RPL13A: variants seen among roughly 807,000 people sequenced by gnomAD.
The protein encoded by RPL13A is large ribosomal subunit protein uL13.
A neutral mutation model predicts 30.8 loss-of-function variants in RPL13A; 4 were observed. The observed-to-expected ratio is 0.13, with a 90% CI of 0.06 to 0.30. RPL13A has a LOEUF of 0.30. Ranked by LOEUF, RPL13A falls within the 10% of genes least tolerant of loss-of-function variation. The pLI, the probability that RPL13A is intolerant of heterozygous loss-of-function variation, is 1.00. For missense variants in RPL13A, 196 were observed against 272.6 expected, an observed-to-expected ratio of 0.72 and a Z score of 1.98; for synonymous variants, 108 against 104.2, an observed-to-expected ratio of 1.04 and a Z score of -0.22.
intron 1 of RPL13A, among the ~76,000 whole-genome samples, chr19:49,488,736 C>T (rs781679510): frequency 7.9e-5 from 12 of 152,212 alleles, no homozygotes; most frequent in Non-Finnish European, 1.6e-4. Flanking sequence ...GACGGAGTCT[C>T]GCTGTGACAC....
chr19:49,490,964 C>CT, intron 5 of RPL13A, 76 bp from the exon 6 acceptor site: 2 of 1,605,424 alleles, frequency 1.2e-6, no homozygotes, highest in Non-Finnish European at 1.7e-6. Context: ...GCAGCACTGG[C>CT]TGAGACGCCA....
intron 4 of RPL13A, 100 bp from the exon 5 acceptor site, chr19:49,490,679 T>C (rs1408245906): frequency 2.6e-6 from 4 of 1,566,010 alleles, no homozygotes; most frequent in Non-Finnish European, 3.5e-6. Flanking sequence ...TGACTCCACA[T>C]GCACTACCAT....
rs1458952049 is a variant in RPL13A, at chr19:49,492,280, T to C, written c.*465T>C. ...GCCCATGCTCCTCACCTGTATTTTG[T>C]AATCAGAAATAAATTGCTTTTAAAG... On this transcript the variant is annotated 3_prime_UTR_variant, in exon 8 of 8. Coordinates refer to ENST00000391857, the MANE Select transcript of RPL13A (RefSeq NM_012423.4). 1 of 156,068 alleles carries C rather than the reference T, an allele frequency of 6.4e-6. No homozygotes were observed. Among genetic ancestry groups the C allele is most frequent in the Non-Finnish European group, 1.4e-5 (1 of 70,410 alleles). The allele number at this position is 156,068 out of a possible 1,614,324, so 9.7% of individuals were successfully genotyped here.
rs1045430386 is a variant in RPL13A at position 49,491,417 on chromosome 19, C to T, written c.403-8C>T. ...TCATTTGTTCACCCCCCCCCCCCCC[C>T]CCCGCAGTTTGCCTATCTGGGGCGC... On this transcript the variant is annotated splice_region_variant and splice_polypyrimidine_tract_variant and intron_variant, in intron 6 of 7. Coordinates refer to ENST00000391857, the MANE Select transcript of RPL13A (RefSeq NM_012423.4). The T allele has an allele frequency of 1.9e-5, 21 of 1,129,786 alleles. No individual in the cohort carries two copies. The highest frequency in any genetic ancestry group is 2.8e-4 in the Middle Eastern group (1 of 3,584). 70.0% of individuals were successfully genotyped at this position (1,129,786 alleles called of 1,614,324 possible).
chr19:49,490,928 A>G, intron 5 of RPL13A, 64 bp downstream of exon 5: 2 of 1,604,234 alleles, frequency 1.2e-6, no homozygotes, highest in Non-Finnish European at 1.7e-6. Flanking sequence ...TTCCGCAACT[A>G]CCTACATTGT....
At chr19:49,489,431 GTCACAGGA>G (rs892274566) in intron 1 of RPL13A, among the ~76,000 whole-genome samples, 17 of 152,156 alleles carry the variant, frequency 1.1e-4, no homozygotes, top group African/African-American at 3.9e-4. Context: ...ATCCTGGGAG[GTCACAGGA>G]TCACAGGACA....
intron 6 of RPL13A, 76 bp from the exon 7 acceptor site, chr19:49,491,349 C>A: frequency 7.2e-7 from 1 of 1,388,228 alleles, no homozygotes; most frequent in Non-Finnish European, 1.0e-6. Context: ...CTCTCAACAG[C>A]TCCGGCTCTT....
At position 49,492,024 on chromosome 19, in the gene RPL13A, G is replaced by A; in HGVS notation, c.*209G>A. The A allele has an allele frequency of 1.8e-6, 1 of 543,650 alleles. No homozygotes were observed. The highest frequency in any genetic ancestry group is 3.2e-5 in the East Asian group (1 of 31,626). The allele number at this position is 543,650 out of a possible 1,614,324, so 33.7% of individuals were successfully genotyped here. A position where few individuals can be genotyped will look rare whatever the true frequency, so the allele number is the denominator to read the frequency against. On this transcript the variant is annotated 3_prime_UTR_variant, in exon 8 of 8. Coordinates refer to ENST00000391857, the MANE Select transcript of RPL13A (RefSeq NM_012423.4). Reference sequence around the variant, plus strand: ...AATTGTGCAGGTGTCATTTATCTATGACCAATAGGAAGAGCAACCAGTTAC... The same window carrying A: ...AATTGTGCAGGTGTCATTTATCTATAACCAATAGGAAGAGCAACCAGTTAC...
chr19:49,487,636 G>C lies in RPL13A; in HGVS notation c.7G>C (p.Glu3Gln), dbSNP rs1214437831. Residue 3 changes from glutamate to glutamine, a missense_variant, in exon 1 of 8, where the codon GAG becomes CAG. Coordinates refer to ENST00000391857, the MANE Select transcript of RPL13A (RefSeq NM_012423.4). ...TTCCAAGCGGCTGCCGAAGATGGCG[G>C]AGGTGCAGGTATGGGCTCCGCGCGG... MA[E>Q]VQVLVLDGRG... is the part of the protein sequence containing the mutation. 2 of 1,573,468 alleles carry C rather than the reference G, an allele frequency of 1.3e-6. No individual in the cohort carries two copies. The highest frequency in any genetic ancestry group is 1.7e-6 in the Non-Finnish European group (2 of 1,160,456).
chr19:49,490,314 G>A lies in RPL13A; in HGVS notation c.154+17G>A. ...GAAACAAGTGTAAGTTAGGACCTGGGAGGAGCACTGGAGAGGGTCTCCCTG... is the reference window on the plus strand; with the variant it reads ...GAAACAAGTGTAAGTTAGGACCTGGAAGGAGCACTGGAGAGGGTCTCCCTG... On this transcript the variant is annotated intron_variant, in intron 3 of 7. Transcript: ENST00000391857. 6.2e-7 allele frequency: 1 copy of A among 1,613,346 alleles called. No homozygotes were observed. The highest frequency in any genetic ancestry group is 8.5e-7 in the Non-Finnish European group (1 of 1,179,290).
chr19:49,490,452 C>G (rs764811474), intron 3 of RPL13A, 23 bp from the exon 4 acceptor site: 10 of 1,611,586 alleles, frequency 6.2e-6, no homozygotes, highest in Middle Eastern at 3.3e-4. Context: ...CTGGGCAGGC[C>G]TCACACTCTC....
Position 49,490,527 on chromosome 19 carries a change from C to A in RPL13A, c.207C>A (p.Gly69=). 2 of 1,614,158 alleles carry A rather than the reference C, an allele frequency of 1.2e-6. No individual in the cohort carries two copies. The highest frequency in any genetic ancestry group is 1.7e-6 in the Non-Finnish European group (2 of 1,180,038). ...GGATGAACACCAACCCTTCCCGAGGCCCCTACCACTTCCGGGCCCCCAGCC... is the reference window on the plus strand; with the variant it reads ...GGATGAACACCAACCCTTCCCGAGGACCCTACCACTTCCGGGCCCCCAGCC... The part of the protein sequence containing the change: ...RKRMNTNPSR[G]PYHFRAPSRI... The change falls in exon 4 of 8, where the codon GGC becomes GGA. Residue 69 remains glycine, a synonymous_variant. Transcript: ENST00000391857.
At chr19:49,488,185 C>T (rs770532238) in intron 1 of RPL13A, among the ~76,000 whole-genome samples, 2 of 152,046 alleles carry the variant, frequency 1.3e-5, no homozygotes, top group Non-Finnish European at 2.9e-5. Flanking sequence ...CTGTTGGCTG[C>T]GGGGCACTCT....
In RPL13A at chr19:49,491,828, CTG is replaced by C. The variant is rs757926346; in HGVS notation, c.*15_*16del. On this transcript the variant is annotated 3_prime_UTR_variant, in exon 8 of 8. Coordinates refer to ENST00000391857, the MANE Select transcript of RPL13A (RefSeq NM_012423.4). The stretch of plus-strand genomic sequence containing the variant: ...ACTCCTGGTCTGAGCCCAATAAAGA[CTG>C]TTAATTCCTCATGCGTTGCCTGCCC... 58 of 1,582,164 alleles carry C rather than the reference CTG, an allele frequency of 3.7e-5. 1 individual carries two copies. The highest frequency in any genetic ancestry group is 1.1e-4 in the South Asian group (10 of 89,414).
chr19:49,491,236 C>G (rs773927656), intron 6 of RPL13A, 137 bp downstream of exon 6: 1 of 1,235,946 alleles, frequency 8.1e-7, no homozygotes, highest in South Asian at 1.2e-5. Flanking sequence ...GGCGACAATG[C>G]CAATGGCTTA....
chr19:49,491,368 G>T lies in RPL13A; in HGVS notation c.403-57G>T, dbSNP rs1204371899. On this transcript the variant is annotated intron_variant, in intron 6 of 7. Coordinates refer to ENST00000391857, the MANE Select transcript of RPL13A (RefSeq NM_012423.4). ...CAACAGCTCCGGCTCTTCAGGGTGT[G>T]GGGGCTTAGATATCCTTACAACTTC... 2.7e-6 allele frequency: 4 copies of T among 1,480,036 alleles called. No homozygotes were observed. In the Admixed American group the frequency reaches 6.9e-5, roughly 26 times the overall value. The allele number at this position is 1,480,036 out of a possible 1,614,324, so 91.7% of individuals were successfully genotyped here.
chr19:49,491,402 A>AGCCCCCCCCCC, intron 6 of RPL13A, 23 bp from the exon 7 acceptor site: 1 of 236,632 alleles, frequency 4.2e-6, no homozygotes, highest in South Asian at 3.5e-5. Flanking sequence ...TCATTTGTTC[A>AGCCCCCCCCCC]CCCCCCCCCC....
rs774963177 is a variant in RPL13A at position 49,489,913 on chromosome 19, G to A, written c.79G>A (p.Val27Ile). 5.0e-6 allele frequency: 8 copies of A among 1,613,544 alleles called. No homozygotes were observed. In the Admixed American group the frequency reaches 1.0e-4, roughly 20 times the overall value. The change falls in exon 2 of 8, where the codon GTA becomes ATA. Residue 27 changes from valine (V) to isoleucine (I), a missense_variant. Transcript: ENST00000391857. ...CCTGGCGGCCATCGTGGCTAAACAG[G>A]TACTGCTGGGTAAGTCGCTGCTCGT... ...GRLAAIVAKQ[V>I]LLGRKVVVVR... is the part of the protein sequence containing the mutation.
At chr19:49,489,401 T>G (rs1394193861) in intron 1 of RPL13A, among the ~76,000 whole-genome samples, 1 of 151,860 alleles carries the variant, frequency 6.6e-6, no homozygotes, top group Admixed American at 6.6e-5. Context: ...CTCATGAGGC[T>G]GAGGTGGGAG....
Sources: allele counts gnomAD v4.1 joint callset (sites outside exome capture counted in the v4.1 genomes callset), GRCh38; gene constraint gnomAD v4.1.1; transcripts MANE v1.5; gene names NCBI Gene and HGNC (gene_info 2026-07-23, HGNC 2026-07-21).